Variants in CYB5RL observed in about 807,000 individuals in gnomAD.
CYB5RL encodes the protein cytochrome b5 reductase like, also known as NADH-cytochrome b5 reductase-like.
CYB5RL carries 38 observed loss-of-function variants against 37.5 expected under a neutral mutation model. The observed-to-expected ratio is 1.01, with a 90% CI of 0.78 to 1.33. CYB5RL has a LOEUF of 1.33. Ranked by LOEUF, CYB5RL falls within the 40% of genes most tolerant of loss-of-function variation. The pLI, the probability that CYB5RL is intolerant of heterozygous loss-of-function variation, is 0.00. For synonymous variants in CYB5RL, 141 were observed against 151.9 expected, an observed-to-expected ratio of 0.93 and a Z score of 0.53; for missense variants, 388 against 394.4, an observed-to-expected ratio of 0.98 and a Z score of 0.14.
chr1:54,199,032 C>A (rs546124869), intron 1 of CYB5RL, among the ~76,000 whole-genome samples: 1 of 152,080 alleles, frequency 6.6e-6, no homozygotes, highest in African/African-American at 2.4e-5. Flanking sequence ...TTGGTTCATG[C>A]GTCCTCTGAG....
At chr1:54,197,265 C>T (rs1029782144) in intron 1 of CYB5RL, among the ~76,000 whole-genome samples, 9 of 151,984 alleles carry the variant, frequency 5.9e-5, no homozygotes, top group African/African-American at 2.2e-4. Context: ...GCACTTGGTC[C>T]ATCCCTGCTC....
chr1:54,171,741 T>C lies in CYB5RL; in HGVS notation c.*2878A>G. On this transcript the variant is annotated 3_prime_UTR_variant, in exon 8 of 8. Coordinates refer to ENST00000534324, the MANE Select transcript of CYB5RL (RefSeq NM_001031672.4). ...TGGCCACGCCTCCCACAACACGCAG[T>C]GGGCATCATCAGAGGAACAGCAGCT... The C allele has an allele frequency of 3.0e-6, 1 of 333,290 alleles. No homozygotes were observed. The highest frequency in any genetic ancestry group is 5.9e-6 in the Non-Finnish European group (1 of 168,310). The allele number at this position is 333,290 out of a possible 1,614,324, so 20.6% of individuals were successfully genotyped here.
At chr1:54,180,231 C>T (rs1282947624) in intron 6 of CYB5RL, 5 of 313,720 alleles carry the variant, frequency 1.6e-5, no homozygotes, top group African/African-American at 3.1e-5. Flanking sequence ...AGCAAGATTC[C>T]ATCTAAAAAA....
intron 7 of CYB5RL, among the ~76,000 whole-genome samples, chr1:54,176,150 A>G (rs986068019): frequency 1.3e-5 from 2 of 152,294 alleles, no homozygotes; most frequent in Admixed American, 6.5e-5. Context: ...AGTATCCACT[A>G]TGGAAAGCCA....
At chr1:54,199,078 T>C (rs1644048614) in intron 1 of CYB5RL, among the ~76,000 whole-genome samples, 1 of 152,222 alleles carries the variant, frequency 6.6e-6, no homozygotes, top group Non-Finnish European at 1.5e-5. Context: ...CCACCTTTAA[T>C]CCAGGCCTTG....
At chr1:54,190,986 G>A (rs756839420) in intron 3 of CYB5RL, 90 bp from the exon 4 acceptor site, 99 of 1,478,316 alleles carry the variant, frequency 6.7e-5, no homozygotes, top group Non-Finnish European at 8.6e-5. Flanking sequence ...CCCAAGGAGA[G>A]GCTGTCTTGG....
intron 1 of CYB5RL, 27 bp downstream of exon 1, chr1:54,199,949 G>C: frequency 2.3e-6 from 1 of 440,624 alleles, no homozygotes; most frequent in Non-Finnish European, 4.0e-6. Flanking sequence ...GTCCTGGAGC[G>C]ATTCTCCACC....
chr1:54,182,158 G>A (rs1660175633), intron 6 of CYB5RL, among the ~76,000 whole-genome samples: 1 of 152,136 alleles, frequency 6.6e-6, no homozygotes, highest in African/African-American at 2.4e-5. Context: ...AAAATGCAAG[G>A]CTAAGCATGG....
Position 54,172,599 on chromosome 1 carries a change from T to C in CYB5RL, c.*2020A>G, listed in dbSNP as rs1013524028. Reference sequence around the variant, plus strand: ...CAACCACTCTCCCAGCACCCTGCACTTACCTTTTCATGACACCCATCACTT... The same window carrying C: ...CAACCACTCTCCCAGCACCCTGCACCTACCTTTTCATGACACCCATCACTT... On this transcript the variant is annotated 3_prime_UTR_variant, in exon 8 of 8. Coordinates refer to ENST00000534324, the MANE Select transcript of CYB5RL (RefSeq NM_001031672.4). The C allele has an allele frequency of 6.6e-6, 1 of 152,318 alleles. No individual in the cohort carries two copies. Among genetic ancestry groups the C allele is most frequent in the Admixed American group, 6.5e-5 (1 of 15,282 alleles). 9.4% of individuals were successfully genotyped at this position (152,318 alleles called of 1,614,324 possible). A position where few individuals can be genotyped will look rare whatever the true frequency, so the allele number is the denominator to read the frequency against.
chr1:54,171,173 G>A lies in CYB5RL; in HGVS notation c.*3446C>T. On this transcript the variant is annotated 3_prime_UTR_variant, in exon 8 of 8. Coordinates refer to ENST00000534324, the MANE Select transcript of CYB5RL (RefSeq NM_001031672.4). ...GAGCTGAGACCTCAAAAGATGAGGA[G>A]GCAAAAAAGGTGAGTGGGAGATCGG... The A allele has an allele frequency of 2.2e-6, 1 of 456,040 alleles. No homozygotes were observed. The highest frequency in any genetic ancestry group is 4.4e-6 in the Non-Finnish European group (1 of 226,782). 28.2% of individuals were successfully genotyped at this position (456,040 alleles called of 1,614,324 possible). A position where few individuals can be genotyped will look rare whatever the true frequency, so the allele number is the denominator to read the frequency against.
rs762376016 is a variant in CYB5RL at position 54,172,440 on chromosome 1, G to A, written c.*2179C>T. 2 of 142,306 alleles carry A rather than the reference G, an allele frequency of 1.4e-5. No individual in the cohort carries two copies. The highest frequency in any genetic ancestry group is 3.0e-5 in the Non-Finnish European group (2 of 67,002). The allele number at this position is 142,306 out of a possible 1,614,324, so 8.8% of individuals were successfully genotyped here. ...TCTGCCTGCCGCAGCCTCCCAAAGT[G>A]CTGGGATTACAGGCATGAGCCACCG... On this transcript the variant is annotated 3_prime_UTR_variant, in exon 8 of 8. Transcript: ENST00000534324.
intron 3 of CYB5RL, among the ~76,000 whole-genome samples, chr1:54,193,298 GAT>G (rs1328039120): frequency 6.6e-6 from 1 of 152,186 alleles, no homozygotes; most frequent in East Asian, 1.9e-4. Context: ...TTCCAGAACT[GAT>G]ATTTTGGCAA....
intron 7 of CYB5RL, among the ~76,000 whole-genome samples, chr1:54,178,821 A>T (rs573951477): frequency 1.2e-4 from 19 of 152,292 alleles, no homozygotes; most frequent in Admixed American, 1.2e-3. Context: ...CTGCCCATGT[A>T]ACTGATGATG....
chr1:54,182,833 G>A (rs1479019854), intron 6 of CYB5RL, among the ~76,000 whole-genome samples: 4 of 152,238 alleles, frequency 2.6e-5, no homozygotes, highest in Non-Finnish European at 4.4e-5. Context: ...GATTACAGGC[G>A]TGAGCCACTG....
At chr1:54,184,546 G>C (rs1660243864) in intron 5 of CYB5RL, 1 of 316,048 alleles carries the variant, frequency 3.2e-6, no homozygotes. Context: ...CAGGGACCAT[G>C]CAGGTACCAT....
chr1:54,177,957 C>T (rs1660060790), intron 7 of CYB5RL, among the ~76,000 whole-genome samples: 1 of 152,202 alleles, frequency 6.6e-6, no homozygotes. Context: ...GCCCTCCTCC[C>T]AGCATCCTTG....
rs369956587 is a variant in CYB5RL at position 54,195,435 on chromosome 1, C to T, written c.182G>A (p.Arg61His). ...AQASKDRSLL[R>H]GPESQSCPSK... ...CTCTCTCACCTGTGACTCTGGCCCACGCAGCAGGCTCCTGTCCTTGCTGGC... is the reference window on the plus strand; with the variant it reads ...CTCTCTCACCTGTGACTCTGGCCCATGCAGCAGGCTCCTGTCCTTGCTGGC... Residue 61 changes from arginine (R) to histidine (H), a missense_variant, in exon 3 of 8, where the codon CGT becomes CAT. Transcript: ENST00000534324. 28 of 1,600,362 alleles carry T rather than the reference C, an allele frequency of 1.7e-5. No individual in the cohort carries two copies. The highest frequency in any genetic ancestry group is 2.2e-5 in the East Asian group (1 of 44,584).
chr1:54,171,632 T>C lies in CYB5RL; in HGVS notation c.*2987A>G. 1 of 356,626 alleles carries C rather than the reference T, an allele frequency of 2.8e-6. No homozygotes were observed. The highest frequency in any genetic ancestry group is 2.1e-5 in the South Asian group (1 of 47,550). 22.1% of individuals were successfully genotyped at this position (356,626 alleles called of 1,614,324 possible). On this transcript the variant is annotated 3_prime_UTR_variant, in exon 8 of 8. Coordinates refer to ENST00000534324, the MANE Select transcript of CYB5RL (RefSeq NM_001031672.4). ...AAGAGAGCTCTGTGTGGCTCACAGA[T>C]TGTGGACACCTGGTTGACCTCTTGA...
intron 4 of CYB5RL, 186 bp downstream of exon 4, chr1:54,190,562 T>C (rs1643941209): frequency 4.3e-6 from 3 of 703,842 alleles, no homozygotes; most frequent in South Asian, 3.7e-5. Flanking sequence ...GATTGTGTTA[T>C]TATTTATTAT....
Sources: gnomAD v4.1 joint callset for allele counts (sites outside exome capture counted in the v4.1 genomes callset) on GRCh38, gnomAD v4.1.1 for gene constraint, MANE v1.5 for transcripts, NCBI Gene and HGNC (gene_info 2026-07-23, HGNC 2026-07-21) for gene names.